The following GLB1L3 variants were observed in gnomAD, a reference collection of about 807,000 sequenced individuals.
The protein encoded by GLB1L3 is beta-galactosidase-1-like protein 3.
Under a neutral mutation model 89.5 loss-of-function variants are expected in GLB1L3, and 89 were observed. The observed-to-expected ratio is 0.99, with a 90% CI of 0.84 to 1.19. The LOEUF (loss-of-function observed/expected upper bound fraction) is 1.19, where lower values mean the gene tolerates loss of function less well. GLB1L3 is among the 50% of genes most tolerant of loss of function. GLB1L3 has a pLI of 0.00. For synonymous variants in GLB1L3, 314 were observed against 312.3 expected, an observed-to-expected ratio of 1.01 and a Z score of -0.06; for missense variants, 812 against 813.3, an observed-to-expected ratio of 1.00 and a Z score of 0.02.
chr11:134,293,281 T>G, intron 9 of GLB1L3, 72 bp downstream of exon 9: 4 of 1,284,568 alleles, frequency 3.1e-6, no homozygotes, highest in Non-Finnish European at 4.5e-6. Flanking sequence ...GTAGCTGGTA[T>G]TCCGTGAAAA....
In GLB1L3 at chr11:134,293,220, T is replaced by C. The variant is rs745728577; in HGVS notation, c.876+11T>C. ...CTTCATAAAGTCCAGGTAAGACATT[T>C]CAGACAGGCAGGGTTTTACAGCTCC... On this transcript the variant is annotated intron_variant, in intron 9 of 19. Transcript: ENST00000431683. The C allele has an allele frequency of 6.2e-7, 1 of 1,611,258 alleles. No homozygotes were observed. Among genetic ancestry groups the C allele is most frequent in the African/African-American group, 1.3e-5 (1 of 74,972 alleles).
chr11:134,282,513 T>C (rs1940758295), intron 5 of GLB1L3, among the ~76,000 whole-genome samples: 1 of 152,206 alleles, frequency 6.6e-6, no homozygotes, highest in Non-Finnish European at 1.5e-5. Context: ...CTTTAAGGCC[T>C]GCAAGGGAAG....
chr11:134,309,698 C>T lies in GLB1L3; in HGVS notation c.1034C>T (p.Thr345Ile). ...AATGTATATATGTTCCATGGTGGAA[C>T]CAACTTTGGTTTCATGAACGGGGCC... ...SFNVYMFHGG[T>I]NFGFMNGATY... is the part of the protein sequence containing the mutation. The change falls in exon 11 of 20, where the codon ACC becomes ATC. Residue 345 changes from threonine (T) to isoleucine (I), a missense_variant. By Grantham distance (89) the Thr-to-Ile change is moderately conservative. Around this residue, in one of 3 missense-constraint regions of GLB1L3, gnomAD observed 618 missense variants for 604.0 expected, o/e 1.02. Coordinates refer to ENST00000431683, the MANE Select transcript of GLB1L3 (RefSeq NM_001080407.3). 1 of 1,613,316 alleles carries T rather than the reference C, an allele frequency of 6.2e-7. No individual in the cohort carries two copies. The highest frequency in any genetic ancestry group is 8.5e-7 in the Non-Finnish European group (1 of 1,179,658).
intron 9 of GLB1L3, among the ~76,000 whole-genome samples, chr11:134,297,876 A>AAAAAAAAAAAAAAG (rs1555077361): frequency 9.9e-5 from 11 of 110,866 alleles, no homozygotes; most frequent in East Asian, 2.6e-4. Flanking sequence ...AAAAAAAAAA[A>AAAAAAAAAAAAAAG]AAAGAAAGAA....
intron 11 of GLB1L3, 31 bp from the exon 12 acceptor site, chr11:134,310,540 A>G (rs994359289): frequency 6.4e-7 from 1 of 1,574,604 alleles, no homozygotes; most frequent in East Asian, 2.2e-5. Context: ...CAGAGACTGC[A>G]TGGCTGGTGA....
chr11:134,292,440 C>T (rs545821707), intron 8 of GLB1L3: 51 of 442,956 alleles, frequency 1.2e-4, no homozygotes, highest in African/African-American at 9.2e-4. Flanking sequence ...TTAAACACAG[C>T]AGCACTGGAG....
intron 7 of GLB1L3, among the ~76,000 whole-genome samples, chr11:134,289,975 C>A (rs1941254221): frequency 6.6e-6 from 1 of 152,232 alleles, no homozygotes; most frequent in Non-Finnish European, 1.5e-5. Context: ...GTGCGGAGAC[C>A]TCTGGCTGGA....
At position 134,277,344 on chromosome 11, in the gene GLB1L3, G is replaced by C; in HGVS notation, c.42G>C (p.Lys14Asn). The C allele has an allele frequency of 6.2e-7, 1 of 1,613,958 alleles. No homozygotes were observed. Among genetic ancestry groups the C allele is most frequent in the Non-Finnish European group, 8.5e-7 (1 of 1,179,888 alleles). ...CTTTCAGCCCGTGTCTCTCCTGGAA[G>C]AGAATGGCGGGCATCTTTTTCCTGC... ...PPLLSPCLSW[K>N]RMAGIFFLPF... Residue 14 changes from lysine (K) to asparagine (N), a missense_variant, in exon 2 of 20, where the codon AAG becomes AAC. By Grantham distance (94) the Lys-to-Asn change is moderately conservative. Coordinates refer to ENST00000431683, the MANE Select transcript of GLB1L3 (RefSeq NM_001080407.3).
intron 7 of GLB1L3, among the ~76,000 whole-genome samples, chr11:134,289,319 G>A (rs485752): frequency 0.33 from 50,446 of 151,946 alleles, 8,757 homozygotes; most frequent in South Asian, 0.47. Flanking sequence ...ACAGGCTGAG[G>A]GGGAGGAGGA....
chr11:134,280,404 A>G (rs1237843238), intron 3 of GLB1L3, among the ~76,000 whole-genome samples: 1 of 152,172 alleles, frequency 6.6e-6, no homozygotes, highest in Non-Finnish European at 1.5e-5. Flanking sequence ...TTTTAAGGGA[A>G]TGTAGATGCT....
intron 9 of GLB1L3, among the ~76,000 whole-genome samples, chr11:134,304,416 T>A (rs537256168): frequency 1.1e-3 from 161 of 152,232 alleles, no homozygotes; most frequent in Middle Eastern, 3.4e-3. Context: ...TGTTAAAAAA[T>A]TTTTTTATTT....
intron 9 of GLB1L3, among the ~76,000 whole-genome samples, chr11:134,293,502 A>G (rs764281389): frequency 6.6e-6 from 1 of 152,150 alleles, no homozygotes; most frequent in African/African-American, 2.4e-5. Context: ...GAGAGTGCTC[A>G]GAGACGGCTA....
In GLB1L3 at chr11:134,288,839, T is replaced by C; in HGVS notation, c.678T>C (p.Asn226=). 1 of 1,613,236 alleles carries C rather than the reference T, an allele frequency of 6.2e-7. No individual in the cohort carries two copies. Among genetic ancestry groups the C allele is most frequent in the Non-Finnish European group, 8.5e-7 (1 of 1,179,348 alleles). The part of the protein sequence containing the change: ...AGPVIAVQVE[N]EYGSFNKDKT... ...CTGTCATCGCGGTGCAAGTGGAGAA[T>C]GAGTATGGCTCATTCAATAAGGATA... Residue 226 remains asparagine, a synonymous_variant, in exon 7 of 20, where the codon AAT becomes AAC. Coordinates refer to ENST00000431683, the MANE Select transcript of GLB1L3 (RefSeq NM_001080407.3).
intron 18 of GLB1L3, chr11:134,316,746 T>C (rs1942998570): frequency 6.6e-6 from 1 of 152,230 alleles, no homozygotes; most frequent in Admixed American, 6.5e-5. Context: ...CTAGGAATTA[T>C]AAAATACCTA....
Position 134,277,871 on chromosome 11 carries a change from C to T in GLB1L3, c.321C>T (p.Arg107=). 1 of 1,613,998 alleles carries T rather than the reference C, an allele frequency of 6.2e-7. No homozygotes were observed. Among genetic ancestry groups the T allele is most frequent in the Non-Finnish European group, 8.5e-7 (1 of 1,179,984 alleles). ...TGCCCAGGGAGTACTGGAGGGACCG[C>T]CTGCTGAAGCTGAAGGCCTGTGGCT... ...FRVPREYWRD[R]LLKLKACGFN... Residue 107 remains arginine (R), a synonymous_variant, in exon 3 of 20, where the codon CGC becomes CGT. Transcript: ENST00000431683.
In GLB1L3 at chr11:134,293,198, C is replaced by T. The variant is rs752266406; in HGVS notation, c.865C>T (p.His289Tyr). 4 of 1,613,582 alleles carry T rather than the reference C, an allele frequency of 2.5e-6. No individual in the cohort carries two copies. In the African/African-American group the frequency reaches 5.3e-5, roughly 22 times the overall value. Reference sequence around the variant, plus strand: ...TCACCAGGATACTTTCAATCAGCTTCATAAAGTCCAGGTAAGACATTTCAG... The same window carrying T: ...TCACCAGGATACTTTCAATCAGCTTTATAAAGTCCAGGTAAGACATTTCAG... ...KLHQDTFNQL[H>Y]KVQRDKPLLI... The change falls in exon 9 of 20, where the codon CAT becomes TAT. Residue 289 changes from histidine to tyrosine, a missense_variant. Physicochemically the swap from His to Tyr is moderately conservative, Grantham distance 83. This residue lies in a region of GLB1L3 where 618 missense variants were observed against 604.0 expected (regional missense o/e 1.02). Coordinates refer to ENST00000431683, the MANE Select transcript of GLB1L3 (RefSeq NM_001080407.3).
chr11:134,277,079 G>T, intron 1 of GLB1L3: 1 of 591,512 alleles, frequency 1.7e-6, no homozygotes, highest in Admixed American at 3.1e-5. Flanking sequence ...GCACCCACCG[G>T]CACTGCCCAG....
At position 134,288,983 on chromosome 11, in the gene GLB1L3, A is replaced by T. The variant is rs569284204; in HGVS notation, c.729+93A>T. On this transcript the variant is annotated intron_variant, in intron 7 of 19. Coordinates refer to ENST00000431683, the MANE Select transcript of GLB1L3 (RefSeq NM_001080407.3). The stretch of plus-strand genomic sequence containing the variant: ...GGATGCATGAGTGATCGGGCTGGAC[A>T]CTGTGCATTCTGAGAATGTTGGCCT... 56 of 835,488 alleles carry T rather than the reference A, an allele frequency of 6.7e-5. No individual in the cohort carries two copies. The African/African-American group carries it at 8.8e-4, about 13-fold the overall frequency. 51.8% of individuals were successfully genotyped at this position (835,488 alleles called of 1,614,324 possible). A position where few individuals can be genotyped will look rare whatever the true frequency, so the allele number is the denominator to read the frequency against.
intron 7 of GLB1L3, among the ~76,000 whole-genome samples, chr11:134,291,069 C>T (rs961092901): frequency 6.6e-6 from 1 of 152,120 alleles, no homozygotes; most frequent in Non-Finnish European, 1.5e-5. Flanking sequence ...AGGTCAGACT[C>T]TGAATTCAAA....
Sources: allele counts gnomAD v4.1 joint callset (sites outside exome capture counted in the v4.1 genomes callset), GRCh38; gene constraint gnomAD v4.1.1; regional missense constraint gnomAD v4.1.1; transcripts MANE v1.5; gene names NCBI Gene and HGNC (gene_info 2026-07-23, HGNC 2026-07-21).